The following CCDC150 variants were observed in gnomAD, a reference collection of about 807,000 sequenced individuals.
CCDC150 encodes the protein coiled-coil domain containing 150.
In CCDC150, 151 loss-of-function variants were observed where a neutral mutation model predicts 156.5. That is an observed-to-expected ratio of 0.97 (90% confidence interval 0.85 to 1.10). The LOEUF (loss-of-function observed/expected upper bound fraction) is 1.10, where lower values mean the gene tolerates loss of function less well. Ranked by LOEUF, CCDC150 falls within the 50% of genes least tolerant of loss-of-function variation. The probability of loss-of-function intolerance (pLI) is 0.00; values close to 1 mark genes in which losing one functional copy is unlikely to be tolerated. For missense variants in CCDC150, 1,312 were observed against 1,268.1 expected (o/e 1.03, Z -0.53); for synonymous variants, 452 against 429.4 (o/e 1.05, Z -0.65).
In CCDC150 at chr2:196,676,164, C is replaced by G. The variant is rs750208549; in HGVS notation, c.1159C>G (p.Gln387Glu). 1 of 1,613,598 alleles carries G rather than the reference C, an allele frequency of 6.2e-7. No individual in the cohort carries two copies. The highest frequency in any genetic ancestry group is 1.1e-5 in the South Asian group (1 of 91,052). The change falls in exon 11 of 28, where the codon CAG (glutamine) becomes GAG (glutamate). Residue 387 changes from glutamine (Q) to glutamate (E), a missense_variant. Coordinates refer to ENST00000389175, the MANE Select transcript of CCDC150 (RefSeq NM_001080539.2). ...TCAGGTAGAGCAGAAAATGATGACG[C>G]AGACATTTCAAGAACAAAACTTATT... Reference protein sequence around the residue: ...ILQVEQKMMTQTFQEQNLLLD... With the variant: ...ILQVEQKMMTETFQEQNLLLD...
At position 196,646,381 on chromosome 2, in the gene CCDC150, C is replaced by T. The variant is rs201237992; in HGVS notation, c.53C>T (p.Pro18Leu). The T allele has an allele frequency of 5.3e-5, 86 of 1,613,706 alleles. No homozygotes were observed. The highest frequency in any genetic ancestry group is 6.8e-6 in the Non-Finnish European group (8 of 1,179,752). ...ETTVSRPVLS[P>L]THINATASET... ...ACAGTGTCCAGACCGGTCCTTTCTC[C>T]AACCCACATCAACGCTACAGCTTCT... Residue 18 changes from proline (P) to leucine (L), a missense_variant, in exon 2 of 28, where the codon CCA becomes CTA. Coordinates refer to ENST00000389175, the MANE Select transcript of CCDC150 (RefSeq NM_001080539.2).
At chr2:196,668,311 A>G (rs1234129571) in intron 7 of CCDC150, among the ~76,000 whole-genome samples, 1 of 150,050 alleles carries the variant, frequency 6.7e-6, no homozygotes, top group Non-Finnish European at 1.5e-5. Flanking sequence ...AAAAAAAAAA[A>G]AAAAAAAAGA....
intron 17 of CCDC150, among the ~76,000 whole-genome samples, chr2:196,715,555 C>T (rs1338298111): frequency 6.6e-6 from 1 of 152,156 alleles, no homozygotes; most frequent in Non-Finnish European, 1.5e-5. Context: ...TGTGAATGTA[C>T]TACCCATCCA....
At chr2:196,728,557 A>C (rs1559282445) in intron 22 of CCDC150, among the ~76,000 whole-genome samples, 1 of 152,114 alleles carries the variant, frequency 6.6e-6, no homozygotes, top group Non-Finnish European at 1.5e-5. Flanking sequence ...ACTACTATGC[A>C]GTTTTTTTTT....
rs115814567 is a variant in CCDC150 at position 196,716,413 on chromosome 2, T to C, written c.1867-2090T>C. Reference sequence around the variant, plus strand: ...TTGTGATGTCCCTACAATAGAATACTAAGCAACAGAAAGAACTATTGATAC... The same window carrying C: ...TTGTGATGTCCCTACAATAGAATACCAAGCAACAGAAAGAACTATTGATAC... On this transcript the variant is annotated intron_variant, in intron 17 of 27. Transcript: ENST00000389175. 5.2e-3 allele frequency among the ~76,000 whole-genome samples: 789 copies of C among 152,310 alleles called. 5 individuals are homozygous for C. Among genetic ancestry groups the C allele is most frequent in the African/African-American group, 0.018 (757 of 41,556 alleles).
chr2:196,713,288 TA>T (rs1697261120), intron 17 of CCDC150: 3 of 1,407,096 alleles, frequency 2.1e-6, no homozygotes, highest in Non-Finnish European at 2.8e-6. Flanking sequence ...TTTCTCCTAG[TA>T]AAGGGGCTAT....
intron 2 of CCDC150, among the ~76,000 whole-genome samples, chr2:196,647,642 A>G (rs1299044559): frequency 2.0e-5 from 3 of 152,072 alleles, no homozygotes; most frequent in Admixed American, 2.0e-4. Flanking sequence ...TTGACAAATA[A>G]TTGTATATAT....
chr2:196,686,388 T>A (rs1210092897), intron 13 of CCDC150: 1 of 152,666 alleles, frequency 6.6e-6, no homozygotes, highest in Non-Finnish European at 1.5e-5. Flanking sequence ...AACGGTGTTA[T>A]TTTCCTAAAG....
chr2:196,689,573 T>C (rs1695319541), intron 13 of CCDC150, among the ~76,000 whole-genome samples: 1 of 152,092 alleles, frequency 6.6e-6, no homozygotes, highest in Non-Finnish European at 1.5e-5. Flanking sequence ...TAAGAATGCT[T>C]GTGATTTTTG....
At chr2:196,716,843 ATTC>A (rs1260030540) in intron 17 of CCDC150, among the ~76,000 whole-genome samples, 5 of 126,192 alleles carry the variant, frequency 4.0e-5, no homozygotes, top group African/African-American at 1.2e-4. Flanking sequence ...TTAAAATAAC[ATTC>A]TTTTTTTTTT....
intron 1 of CCDC150, among the ~76,000 whole-genome samples, chr2:196,642,431 A>G (rs1692283391): frequency 6.6e-6 from 1 of 152,238 alleles, no homozygotes; most frequent in Non-Finnish European, 1.5e-5. Flanking sequence ...TGGGGAGGAC[A>G]GGCAAGGGTA....
chr2:196,656,682 G>C lies in CCDC150; in HGVS notation c.226G>C (p.Val76Leu). ...TTTAGAAGACCTGGACAGCCAGAAA[G>C]TCATTAGTCCTATCCAAAATGAAGC... ...DCLEDLDSQK[V>L]ISPIQNEAIC... The change falls in exon 3 of 28, where the codon GTC becomes CTC. Residue 76 changes from valine to leucine, a missense_variant. Coordinates refer to ENST00000389175, the MANE Select transcript of CCDC150 (RefSeq NM_001080539.2). The C allele has an allele frequency of 6.2e-7, 1 of 1,613,448 alleles. No individual in the cohort carries two copies. Among genetic ancestry groups the C allele is most frequent in the Non-Finnish European group, 8.5e-7 (1 of 1,179,670 alleles).
intron 14 of CCDC150, among the ~76,000 whole-genome samples, chr2:196,696,017 A>T (rs936702683): frequency 6.6e-6 from 1 of 152,218 alleles, no homozygotes; most frequent in Non-Finnish European, 1.5e-5. Context: ...TCAAACTGTT[A>T]TAAGCTGCTC....
chr2:196,723,477 G>A (rs1195951204), intron 21 of CCDC150, among the ~76,000 whole-genome samples: 1 of 152,138 alleles, frequency 6.6e-6, no homozygotes, highest in African/African-American at 2.4e-5. Flanking sequence ...ACTCCAGCCT[G>A]GGTGACAGAG....
intron 10 of CCDC150, 32 bp from the exon 11 acceptor site, chr2:196,676,111 C>T (rs1480886535): frequency 1.9e-6 from 3 of 1,609,674 alleles, no homozygotes; most frequent in African/African-American, 1.3e-5. Flanking sequence ...CTTTGTGGAG[C>T]TTCAACTTCT....
Position 196,729,367 on chromosome 2 carries a change from C to G in CCDC150, c.2731C>G (p.Gln911Glu), listed in dbSNP as rs762863049. ...CTTGTCAGCTAAGGCGAATAATGCT[C>G]AGAATATAGAAAGGATGAAGGTTGT... ...LHLSAKANNA[Q>E]NIERMKQIEK... The change falls in exon 23 of 28, where the codon CAG (glutamine) becomes GAG (glutamate). Residue 911 changes from glutamine (Q) to glutamate (E), a missense_variant. Transcript: ENST00000389175. The G allele has an allele frequency of 1.9e-6, 3 of 1,613,794 alleles. No homozygotes were observed. Among genetic ancestry groups the G allele is most frequent in the East Asian group, 2.2e-5 (1 of 44,882 alleles).
chr2:196,680,250 G>A (rs941322360), intron 13 of CCDC150, among the ~76,000 whole-genome samples: 20 of 152,030 alleles, frequency 1.3e-4, no homozygotes, highest in African/African-American at 4.8e-4. Context: ...TAGTAAGTCT[G>A]TGATCCATTT....
At position 196,712,149 on chromosome 2, in the gene CCDC150, A is replaced by C. The variant is rs1323541341; in HGVS notation, c.1700A>C (p.Lys567Thr). 6.6e-7 allele frequency: 1 copy of C among 1,518,322 alleles called. No individual in the cohort carries two copies. The highest frequency in any genetic ancestry group is 2.3e-5 in the East Asian group (1 of 43,446). The allele number at this position is 1,518,322 out of a possible 1,614,324, so 94.1% of individuals were successfully genotyped here. ...LAYENGKLQI[K>T]VKQLEEQVQS... ...GTATTTTTGTTTTTCCTCTAGATAA[A>C]AGTTAAACAGCTAGAAGAACAAGTA... Residue 567 changes from lysine to threonine, a missense_variant, in exon 16 of 28, where the codon AAA becomes ACA. Coordinates refer to ENST00000389175, the MANE Select transcript of CCDC150 (RefSeq NM_001080539.2).
intron 14 of CCDC150, among the ~76,000 whole-genome samples, chr2:196,700,583 G>A (rs1325885484): frequency 6.6e-6 from 1 of 152,160 alleles, no homozygotes; most frequent in Non-Finnish European, 1.5e-5. Flanking sequence ...GAAAGCTTTG[G>A]TAACGTTTGC....
Sources: gnomAD v4.1 joint callset for allele counts (sites outside exome capture counted in the v4.1 genomes callset) on GRCh38, gnomAD v4.1.1 for gene constraint, MANE v1.5 for transcripts, NCBI Gene and HGNC (gene_info 2026-07-23, HGNC 2026-07-21) for gene names.